The following F12 variants were observed in gnomAD, a reference collection of about 807,000 sequenced individuals.
The protein encoded by F12 is coagulation factor XII.
A neutral mutation model predicts 74.8 loss-of-function variants in F12; 70 were observed. The observed-to-expected ratio is 0.94, with a 90% confidence interval of 0.77 to 1.14. The LOEUF is 1.14. Among genes scored for constraint, F12 ranks in the 50% most tolerant of loss-of-function variants. F12 has a pLI of 0.00. For synonymous variants in F12, 373 were observed against 356.4 expected (o/e 1.05, Z -0.52); for missense variants, 811 against 835.7 (o/e 0.97, Z 0.36).
chr5:177,403,137 G>A (rs1417978349), intron 12 of F12, 117 bp downstream of exon 12: 1 of 1,382,268 alleles, frequency 7.2e-7, no homozygotes, highest in African/African-American at 1.4e-5. Flanking sequence ...AACCCATCAG[G>A]TCAGCGCCAC....
Position 177,404,492 on chromosome 5 carries a change from G to A in F12, c.800+7C>T. On this transcript the variant is annotated splice_region_variant and intron_variant, in intron 8 of 13. Transcript: ENST00000253496. The stretch of plus-strand genomic sequence containing the variant: ...GCGGAGGGGTCACCCAGCCCCACGC[G>A]GCGCACCGGCAGAAGGCGTGGCCGC... The A allele has an allele frequency of 1.3e-6, 2 of 1,590,544 alleles. No individual in the cohort carries two copies. The highest frequency in any genetic ancestry group is 8.6e-7 in the Non-Finnish European group (1 of 1,168,950).
Position 177,404,199 on chromosome 5 carries a change from C to T in F12, c.1015G>A (p.Gly339Arg). Residue 339 changes from glycine (G) to arginine (R), a missense_variant, in exon 9 of 14, where the codon GGA becomes AGA. Gly to Arg is a moderately radical substitution (Grantham distance 125). Transcript: ENST00000253496. ...CTTCCCCCCCCCACTTCCTAACCTC[C>T]CGGGGTCTGGGACTGAGGCGGGGTC... Reference protein sequence around the residue: ...TRTPPQSQTPGALPAKREQPP... With the variant: ...TRTPPQSQTPRALPAKREQPP... The T allele has an allele frequency of 6.2e-7, 1 of 1,603,400 alleles. No individual in the cohort carries two copies. Among genetic ancestry groups the T allele is most frequent in the Non-Finnish European group, 8.5e-7 (1 of 1,174,802 alleles).
At chr5:177,406,449 A>C (rs928975845) in intron 2 of F12, among the ~76,000 whole-genome samples, 1 of 152,202 alleles carries the variant, frequency 6.6e-6, no homozygotes, top group African/African-American at 2.4e-5. Context: ...AGATCGCGCC[A>C]CTGCACTCCA....
At position 177,405,423 on chromosome 5, in the gene F12, G is replaced by A. The variant is rs1235577721; in HGVS notation, c.297C>T (p.Ser99=). The A allele has an allele frequency of 1.2e-6, 2 of 1,613,456 alleles. No homozygotes were observed. Among genetic ancestry groups the A allele is most frequent in the South Asian group, 1.1e-5 (1 of 90,900 alleles). ...CTCCTTTCTGGCAGGGGCTGTGTTT[G>A]CTGCAGTGGTCTGAGAGATGGACAT... ...LEPKKVKDHC[S]KHSPCQKGGT... Residue 99 remains serine, a synonymous_variant, in exon 5 of 14, where the codon AGC becomes AGT. Transcript: ENST00000253496.
At position 177,405,313 on chromosome 5, in the gene F12, A is replaced by G. The variant is rs757509766; in HGVS notation, c.397+10T>C. 5.0e-6 allele frequency: 8 copies of G among 1,613,914 alleles called. No individual in the cohort carries two copies. The highest frequency in any genetic ancestry group is 6.8e-6 in the Non-Finnish European group (8 of 1,179,992). On this transcript the variant is annotated intron_variant, in intron 5 of 13. Transcript: ENST00000253496. ...CCAGCACCCCGCCCAGGTCCTCCACATCTCCTCACCTTTCTGGCAGTGGTT... is the reference window on the plus strand; with the variant it reads ...CCAGCACCCCGCCCAGGTCCTCCACGTCTCCTCACCTTTCTGGCAGTGGTT...
chr5:177,406,305 A>AAG, intron 2 of F12, among the ~76,000 whole-genome samples: 1 of 151,882 alleles, frequency 6.6e-6, no homozygotes, highest in East Asian at 1.9e-4. Context: ...TGGCTAATAC[A>AAG]GTGAAACCCC....
At chr5:177,406,126 G>C in intron 2 of F12, 65 bp from the exon 3 acceptor site, 1 of 1,432,864 alleles carries the variant, frequency 7.0e-7, no homozygotes, top group African/African-American at 1.4e-5. Flanking sequence ...CTGTCCCTCA[G>C]GGTCTGGTCA....
intron 2 of F12, among the ~76,000 whole-genome samples, chr5:177,408,793 G>C (rs932165432): frequency 6.6e-6 from 1 of 152,238 alleles, no homozygotes; most frequent in Non-Finnish European, 1.5e-5. Context: ...ACTGAGGAAG[G>C]CTGGCAGGAG....
intron 10 of F12, 96 bp from the exon 11 acceptor site, chr5:177,403,713 C>G (rs556861237): frequency 6.5e-7 from 1 of 1,533,028 alleles, no homozygotes; most frequent in East Asian, 2.4e-5. Flanking sequence ...CGTGTTCCAG[C>G]TTCCTCCCCG....
rs753022412 is a variant in F12 at position 177,405,314 on chromosome 5, TCTC to T, written c.397+6_397+8del. The T allele has an allele frequency of 1.1e-5, 17 of 1,613,886 alleles. No homozygotes were observed. The highest frequency in any genetic ancestry group is 1.3e-5 in the African/African-American group (1 of 74,930). ...CAGCACCCCGCCCAGGTCCTCCACA[TCTC>T]CTCACCTTTCTGGCAGTGGTTTCCA... On this transcript the variant is annotated splice_donor_region_variant and intron_variant, in intron 5 of 13. Transcript: ENST00000253496.
intron 3 of F12, 77 bp downstream of exon 3, chr5:177,405,885 C>G: frequency 6.3e-7 from 1 of 1,595,142 alleles, no homozygotes; most frequent in Non-Finnish European, 8.6e-7. Flanking sequence ...TCTCTCCAAG[C>G]AGAGTTCCTT....
Position 177,404,117 on chromosome 5 carries a change from G to A in F12, c.1019-27C>T, listed in dbSNP as rs139112998. ...TGTGGAGGAGCAGGGGCTGAGGACG[G>A]AGAGCCCGCGGCCGGCTGGCCGGAA... On this transcript the variant is annotated intron_variant, in intron 9 of 13. Coordinates refer to ENST00000253496, the MANE Select transcript of F12 (RefSeq NM_000505.4). 2.2e-3 allele frequency: 3,482 copies of A among 1,595,202 alleles called. 5 individuals carry two copies. The highest frequency in any genetic ancestry group is 2.6e-3 in the Non-Finnish European group (3,000 of 1,173,372).
Position 177,409,071 on chromosome 5 carries a change from C to T in F12, c.90G>A (p.Lys30=). The T allele has an allele frequency of 6.4e-7, 1 of 1,551,692 alleles. No homozygotes were observed. Among genetic ancestry groups the T allele is most frequent in the Non-Finnish European group, 8.7e-7 (1 of 1,147,070 alleles). ...IPPWEAPKEH[K]YKAEEHTVVL... is the part of the protein sequence containing the mutation. ...CGACTGTGTGCTCTTCAGCTTTGTA[C>T]TTATGCTCCTTGGGGGCTTCCCAAG... is the stretch of plus-strand genomic sequence containing the variant. Residue 30 remains lysine, a synonymous_variant, in exon 2 of 14, where the codon AAG becomes AAA. Coordinates refer to ENST00000253496, the MANE Select transcript of F12 (RefSeq NM_000505.4).
In F12 at chr5:177,402,674, A is replaced by G; in HGVS notation, c.1556T>C (p.Leu519Pro). Residue 519 changes from leucine (L) to proline (P), a missense_variant, in exon 13 of 14, where the codon CTG (leucine) becomes CCG (proline). Physicochemically the swap from Leu to Pro is moderately conservative, Grantham distance 98. Coordinates refer to ENST00000253496, the MANE Select transcript of F12 (RefSeq NM_000505.4). The stretch of plus-strand genomic sequence containing the variant: ...GAGGAACGGTACCTGCGCCTCCTGC[A>G]GGAAGCTGGCATATTCCTCCGCCCC... ...FEGAEEYASF[L>P]QEAQVPFLSL... 2.5e-6 allele frequency: 4 copies of G among 1,612,270 alleles called. No homozygotes were observed. The highest frequency in any genetic ancestry group is 3.4e-6 in the Non-Finnish European group (4 of 1,180,002).
intron 8 of F12, 41 bp downstream of exon 8, chr5:177,404,458 A>T: frequency 6.3e-7 from 1 of 1,599,066 alleles, no homozygotes. Flanking sequence ...GGGAGCCCGG[A>T]GCCCTGGGGC....
Position 177,409,490 on chromosome 5 carries a change from C to T in F12, c.38G>A (p.Ser13Asn), listed in dbSNP as rs1240653084. 2.5e-6 allele frequency: 4 copies of T among 1,614,122 alleles called. No individual in the cohort carries two copies. Among genetic ancestry groups the T allele is most frequent in the Non-Finnish European group, 1.7e-6 (2 of 1,180,016 alleles). Reference protein sequence around the residue: ...ALLLLGFLLVSLESTLSIPPW... With the variant: ...ALLLLGFLLVNLESTLSIPPW... ...ACTCACCGAAAGTGTTGACTCCAAG[C>T]TCACCAGCAGGAACCCCAGGAGCAG... The change falls in exon 1 of 14, where the codon AGC (serine) becomes AAC (asparagine). Residue 13 changes from serine (S) to asparagine (N), a missense_variant. Physicochemically the swap from Ser to Asn is conservative, Grantham distance 46. Coordinates refer to ENST00000253496, the MANE Select transcript of F12 (RefSeq NM_000505.4).
At chr5:177,406,640 T>TAA (rs1269387473) in intron 2 of F12, among the ~76,000 whole-genome samples, 1 of 152,200 alleles carries the variant, frequency 6.6e-6, no homozygotes, top group African/African-American at 2.4e-5. Flanking sequence ...TAATACTTGT[T>TAA]GAATGTTGAA....
Position 177,405,037 on chromosome 5 carries a change from C to T in F12, c.529+17G>A. On this transcript the variant is annotated intron_variant, in intron 6 of 13. Coordinates refer to ENST00000253496, the MANE Select transcript of F12 (RefSeq NM_000505.4). Reference sequence around the variant, plus strand: ...TCCTGACGCTCCTCCCTGGCCCGTTCCCAACCATCTGCTCACCCTGGCTGG... The same window carrying T: ...TCCTGACGCTCCTCCCTGGCCCGTTTCCAACCATCTGCTCACCCTGGCTGG... 1 of 1,610,744 alleles carries T rather than the reference C, an allele frequency of 6.2e-7. No individual in the cohort carries two copies. The highest frequency in any genetic ancestry group is 8.5e-7 in the Non-Finnish European group (1 of 1,179,770).
chr5:177,403,122 C>G (rs1763181391), intron 12 of F12, 132 bp downstream of exon 12: 1 of 1,211,418 alleles, frequency 8.3e-7, no homozygotes, highest in African/African-American at 1.5e-5. Flanking sequence ...CCTACACATT[C>G]TCACAACCCA....
Sources: gnomAD v4.1 joint callset for allele counts (sites outside exome capture counted in the v4.1 genomes callset) on GRCh38, gnomAD v4.1.1 for gene constraint, MANE v1.5 for transcripts, NCBI Gene and HGNC (gene_info 2026-07-23, HGNC 2026-07-21) for gene names.